Variants in RILPL1 observed in about 807,000 individuals in gnomAD.
RILPL1 encodes RILP-like protein 1.
In RILPL1, 33 loss-of-function variants were observed where a neutral mutation model predicts 50.3. The observed-to-expected ratio is 0.66, with a 90% confidence interval of 0.50 to 0.88. The LOEUF (loss-of-function observed/expected upper bound fraction) is 0.88. RILPL1 is among the 40% of genes least tolerant of loss of function. RILPL1 has a pLI of 0.00. For synonymous variants in RILPL1, 205 were observed against 228.6 expected (o/e 0.90, Z 0.93); for missense variants, 418 against 542.5 (o/e 0.77, Z 2.28).
Position 123,523,631 on chromosome 12 carries a change from C to T in RILPL1, c.324G>A (p.Val108=), listed in dbSNP as rs762817881. ...GCGCCTCCCCTCGCCACACATCCTC[C>T]ACCAGCTCCAGCTCCTGCCAAGGCA... ...ERKHQKELEL[V]EDVWRGEAQD... The change falls in exon 2 of 7, where the codon GTG becomes GTA. Residue 108 remains valine (V), a synonymous_variant. Transcript: ENST00000376874. 1.2e-6 allele frequency: 2 copies of T among 1,613,606 alleles called. No homozygotes were observed. Among genetic ancestry groups the T allele is most frequent in the Non-Finnish European group, 8.5e-7 (1 of 1,179,828 alleles).
chr12:123,501,443 A>AAAACAAAC (rs34227751), intron 2 of RILPL1, among the ~76,000 whole-genome samples: 152 of 149,832 alleles, frequency 1.0e-3, no homozygotes, highest in African/African-American at 1.9e-3. Flanking sequence ...ACCCTGTCTC[A>AAAACAAAC]AAACAAACAA....
At chr12:123,500,288 T>C (rs1332339768) in intron 2 of RILPL1, among the ~76,000 whole-genome samples, 1 of 144,026 alleles carries the variant, frequency 6.9e-6, no homozygotes, top group African/African-American at 2.6e-5. Context: ...CTTTTTTTTT[T>C]TTTTTTTTTT....
rs2292500 is a variant in RILPL1 at position 123,523,526 on chromosome 12, A to G, written c.429T>C (p.Asn143=). 0.84 allele frequency: 1,351,489 copies of G among 1,613,782 alleles called. 567,744 individuals carry two copies. Among genetic ancestry groups the G allele is most frequent in the East Asian group, 0.93 (41,725 of 44,866 alleles). The stretch of plus-strand genomic sequence containing the variant: ...GCTTCTGGAACTCCTCCTCTGAGAA[A>G]TTGACATCCTTGTGGGAGAGGTTGG... ...LMTNLSHKDV[N]FSEEEFQKHE... is the part of the protein sequence containing the mutation. Residue 143 remains asparagine (N), a synonymous_variant, in exon 2 of 7, where the codon AAT becomes AAC. Coordinates refer to ENST00000376874, the MANE Select transcript of RILPL1 (RefSeq NM_178314.5).
intron 6 of RILPL1, chr12:123,473,069 T>A (rs1029713037): frequency 9.8e-6 from 2 of 203,224 alleles, no homozygotes; most frequent in African/African-American, 4.6e-5. Flanking sequence ...CCGTGTGGAA[T>A]ATAAGAGGAT....
rs1171537720 is a variant in RILPL1 at position 123,470,481 on chromosome 12, A to T, written c.*2057T>A. 6.4e-6 allele frequency: 1 copy of T among 155,210 alleles called. No individual in the cohort carries two copies. Among genetic ancestry groups the T allele is most frequent in the Non-Finnish European group, 1.4e-5 (1 of 71,338 alleles). 9.6% of individuals were successfully genotyped at this position (155,210 alleles called of 1,614,324 possible). ...GAGTGAGACCCTGTGTCCAAAAAAA[A>T]AAAAAAAAAAAAGGCCAGCCACAGT... On this transcript the variant is annotated 3_prime_UTR_variant, in exon 7 of 7. Transcript: ENST00000376874.
intron 2 of RILPL1, among the ~76,000 whole-genome samples, chr12:123,516,896 A>G (rs1884729263): frequency 6.6e-6 from 1 of 151,994 alleles, no homozygotes; most frequent in Non-Finnish European, 1.5e-5. Flanking sequence ...CCCTATCTCT[A>G]CAAAAAGTAC....
At chr12:123,525,296 C>T (rs1885210817) in intron 1 of RILPL1, among the ~76,000 whole-genome samples, 1 of 151,702 alleles carries the variant, frequency 6.6e-6, no homozygotes, top group Non-Finnish European at 1.5e-5. Flanking sequence ...TAGCTCATTG[C>T]AGCCTTGAAC....
chr12:123,494,477 G>A (rs527902942), intron 4 of RILPL1, among the ~76,000 whole-genome samples: 2 of 152,260 alleles, frequency 1.3e-5, no homozygotes, highest in East Asian at 1.9e-4. Context: ...AGGCAGTCGC[G>A]CCAAGGTGGT....
intron 2 of RILPL1, chr12:123,514,450 TGA>T (rs879899723): frequency 2.0e-5 from 3 of 151,924 alleles, no homozygotes; most frequent in East Asian, 1.9e-4. Flanking sequence ...TTTTTTTTTT[TGA>T]GAGTCTCACT....
intron 4 of RILPL1, among the ~76,000 whole-genome samples, chr12:123,487,309 C>CT (rs35920839): frequency 0.13 from 19,265 of 146,692 alleles, 1,449 homozygotes; most frequent in Non-Finnish European, 0.18. Context: ...GCACTTCACT[C>CT]TTTTTTTTTT....
Position 123,533,051 on chromosome 12 carries a change from G to C in RILPL1, c.309+123C>G, listed in dbSNP as rs1885496755. On this transcript the variant is annotated intron_variant, in intron 1 of 6. Coordinates refer to ENST00000376874, the MANE Select transcript of RILPL1 (RefSeq NM_178314.5). This position sits in a 1 kb window ranked among gnomAD's most constrained non-coding sequence, Gnocchi z 6.2. ...CAGGGCCTCCCTCCCTCCCCACGTC[G>C]GGTCTCCTCTGGTCCGGTCCCTGAA... 1 of 1,053,246 alleles carries C rather than the reference G, an allele frequency of 9.5e-7. No homozygotes were observed. The highest frequency in any genetic ancestry group is 1.3e-6 in the Non-Finnish European group (1 of 753,776). The allele number at this position is 1,053,246 out of a possible 1,614,324, so 65.2% of individuals were successfully genotyped here. A position where few individuals can be genotyped will look rare whatever the true frequency, so the allele number is the denominator to read the frequency against.
intron 2 of RILPL1, among the ~76,000 whole-genome samples, chr12:123,504,718 T>C (rs1380309802): frequency 6.6e-6 from 1 of 152,188 alleles, no homozygotes. Flanking sequence ...TTATTATCAT[T>C]ACTGTTGTTT....
intron 4 of RILPL1, among the ~76,000 whole-genome samples, chr12:123,486,467 G>A (rs1882340453): frequency 1.3e-5 from 2 of 152,100 alleles, no homozygotes; most frequent in African/African-American, 2.4e-5. Context: ...CTTGCATAGC[G>A]AGGGAGCCTT....
At chr12:123,521,429 A>C (rs1398395410) in intron 2 of RILPL1, among the ~76,000 whole-genome samples, 1 of 151,594 alleles carries the variant, frequency 6.6e-6, no homozygotes. Context: ...AGGAAATCCA[A>C]GGAAAAGAGA....
chr12:123,498,552 C>T lies in RILPL1; in HGVS notation c.793G>A (p.Glu265Lys). 1 of 1,613,300 alleles carries T rather than the reference C, an allele frequency of 6.2e-7. No individual in the cohort carries two copies. Among genetic ancestry groups the T allele is most frequent in the Non-Finnish European group, 8.5e-7 (1 of 1,179,796 alleles). The stretch of plus-strand genomic sequence containing the variant: ...CCCAGCTTCCTGCTCACCTCAGGCT[C>T]CTCCTCCCCATTCTGGCTGTGCTCC... ...QGEHSQNGEEEPETEPVGEES... is the reference protein window; with the variant it reads ...QGEHSQNGEEKPETEPVGEES... Residue 265 changes from glutamate (E) to lysine (K), a missense_variant, in exon 4 of 7, where the codon GAG becomes AAG. Transcript: ENST00000376874. This position sits in a 1 kb window ranked among gnomAD's most constrained non-coding sequence, Gnocchi z 4.3.
intron 2 of RILPL1, among the ~76,000 whole-genome samples, chr12:123,506,658 C>T (rs1007408999): frequency 1.3e-5 from 2 of 152,186 alleles, no homozygotes; most frequent in African/African-American, 2.4e-5. Context: ...TCGAGCCTCA[C>T]GGCTTATGAC....
chr12:123,486,645 ATTTT>A (rs1882353366), intron 4 of RILPL1, among the ~76,000 whole-genome samples: 1 of 152,042 alleles, frequency 6.6e-6, no homozygotes, highest in African/African-American at 2.4e-5. Context: ...CATACTTATT[ATTTT>A]ATTTTTTTCT....
chr12:123,532,704 G>GT (rs1885477164), intron 1 of RILPL1, among the ~76,000 whole-genome samples: 1 of 59,876 alleles, frequency 1.7e-5, no homozygotes, highest in Non-Finnish European at 3.3e-5. Flanking sequence ...TGGGGAGACT[G>GT]GGGGGGGGGG....
intron 6 of RILPL1, among the ~76,000 whole-genome samples, chr12:123,482,954 C>A (rs560279958): frequency 6.6e-6 from 1 of 152,148 alleles, no homozygotes; most frequent in Non-Finnish European, 1.5e-5. Context: ...CAAACCTGCA[C>A]GGCTCTGCAT....
Sources: gnomAD v4.1 joint callset for allele counts (sites outside exome capture counted in the v4.1 genomes callset) on GRCh38, gnomAD v4.1.1 for gene constraint, Gnocchi (gnomAD v3.1) non-coding constraint, MANE v1.5 for transcripts, NCBI Gene and HGNC (gene_info 2026-07-23, HGNC 2026-07-21) for gene names.